SPAG16: variants seen among roughly 807,000 people sequenced by gnomAD.
SPAG16 encodes sperm-associated antigen 16 protein.
Under a neutral mutation model 80.4 loss-of-function variants are expected in SPAG16, and 86 were observed. The observed-to-expected ratio is 1.07, with a 90% confidence interval of 0.90 to 1.28. The LOEUF (loss-of-function observed/expected upper bound fraction) is 1.28. Ranked by LOEUF, SPAG16 falls within the 50% of genes most tolerant of loss-of-function variation. The probability of loss-of-function intolerance (pLI) is 0.00; values close to 1 mark genes in which losing one functional copy is unlikely to be tolerated. For synonymous variants in SPAG16, 294 were observed against 265.9 expected (o/e 1.11, Z -1.03); for missense variants, 870 against 765.3 (o/e 1.14, Z -1.61).
At chr2:213,686,239 C>T (rs890685930) in intron 10 of SPAG16, among the ~76,000 whole-genome samples, 1 of 152,208 alleles carries the variant, frequency 6.6e-6, no homozygotes, top group Admixed American at 6.5e-5. Context: ...CTGCCTCAGC[C>T]TCCTGAGCAG....
At chr2:213,932,191 TATA>T (rs2078789141) in intron 12 of SPAG16, among the ~76,000 whole-genome samples, 2 of 111,056 alleles carry the variant, frequency 1.8e-5, no homozygotes, top group African/African-American at 6.8e-5. Flanking sequence ...TATATATATA[TATA>T]TATATTTGTT....
At chr2:213,771,568 G>C (rs748325018) in intron 10 of SPAG16, among the ~76,000 whole-genome samples, 2 of 151,954 alleles carry the variant, frequency 1.3e-5, no homozygotes, top group Admixed American at 6.6e-5. Context: ...TTTTCTTCTA[G>C]GGTTTTTATA....
chr2:213,647,281 A>C (rs1162160222), intron 10 of SPAG16, among the ~76,000 whole-genome samples: 1 of 152,208 alleles, frequency 6.6e-6, no homozygotes, highest in Non-Finnish European at 1.5e-5. Context: ...AGTATCATGC[A>C]TATACGTACA....
chr2:214,289,801 A>G (rs1265454573), intron 15 of SPAG16, among the ~76,000 whole-genome samples: 2 of 152,156 alleles, frequency 1.3e-5, no homozygotes, highest in African/African-American at 4.8e-5. Flanking sequence ...CATAGGATCT[A>G]TAGATGCTTT....
At chr2:214,177,916 C>CATATATATATATATATATACATATATAT (rs10622953) in intron 15 of SPAG16, among the ~76,000 whole-genome samples, 7 of 92,204 alleles carry the variant, frequency 7.6e-5, no homozygotes, top group African/African-American at 2.8e-4. Flanking sequence ...TATATATATA[C>CATATATATATATATATATACATATATAT]ATATATATAT....
intron 14 of SPAG16, among the ~76,000 whole-genome samples, chr2:214,113,209 C>T (rs2053763770): frequency 6.6e-6 from 1 of 152,200 alleles, no homozygotes; most frequent in Non-Finnish European, 1.5e-5. Flanking sequence ...ATGGGCTTCC[C>T]TTTGTGGGTT....
At chr2:213,293,185 C>T (rs2062365165) in intron 1 of SPAG16, among the ~76,000 whole-genome samples, 1 of 152,148 alleles carries the variant, frequency 6.6e-6, no homozygotes. Flanking sequence ...TTTCATGGTG[C>T]CCTGTGAAGA....
At chr2:213,804,286 T>C (rs1478751374) in intron 10 of SPAG16, among the ~76,000 whole-genome samples, 2 of 152,084 alleles carry the variant, frequency 1.3e-5, no homozygotes, top group Admixed American at 6.5e-5. Context: ...CCTTAGGTGA[T>C]TTTAACTTGG....
intron 3 of SPAG16, among the ~76,000 whole-genome samples, chr2:213,301,064 G>C (rs2062722146): frequency 6.6e-6 from 1 of 151,934 alleles, no homozygotes; most frequent in South Asian, 2.1e-4. Context: ...TACTTTTAAC[G>C]GAAAAAAACG....
chr2:214,097,413 C>A (rs2052664005), intron 13 of SPAG16, among the ~76,000 whole-genome samples: 1 of 151,968 alleles, frequency 6.6e-6, no homozygotes, highest in South Asian at 2.1e-4. Context: ...GGCAGGTGCA[C>A]TTGAAGTGGC....
At position 213,383,010 on chromosome 2, in the gene SPAG16, T is replaced by C. The variant is rs180769625; in HGVS notation, c.942+7891T>C. Among the ~76,000 whole-genome samples, 178 of 152,248 alleles carry C rather than the reference T, an allele frequency of 1.2e-3. 3 individuals are homozygous for C. Among genetic ancestry groups the C allele is most frequent in the Non-Finnish European group, 3.4e-4 (23 of 67,992 alleles). ...TAACAAGTAGTAGAGGGTATTTTTATCTGCTTCAGTAAAGATAACACATAT... is the reference window on the plus strand; with the variant it reads ...TAACAAGTAGTAGAGGGTATTTTTACCTGCTTCAGTAAAGATAACACATAT... On this transcript the variant is annotated intron_variant, in intron 9 of 15. Transcript: ENST00000331683.
chr2:213,564,233 T>A (rs1467721276), intron 10 of SPAG16, among the ~76,000 whole-genome samples: 2 of 151,614 alleles, frequency 1.3e-5, no homozygotes, highest in Admixed American at 6.6e-5. Context: ...ACTAGTAATT[T>A]AAAAAAAACG....
intron 8 of SPAG16, among the ~76,000 whole-genome samples, chr2:213,371,033 C>A (rs1438736045): frequency 6.6e-6 from 1 of 152,178 alleles, no homozygotes; most frequent in Non-Finnish European, 1.5e-5. Flanking sequence ...CCCTAAGCTT[C>A]TGATCTCAGC....
chr2:214,175,119 A>G (rs2057024610), intron 15 of SPAG16, among the ~76,000 whole-genome samples: 1 of 151,086 alleles, frequency 6.6e-6, no homozygotes, highest in Non-Finnish European at 1.5e-5. Flanking sequence ...CTCTCCTAAG[A>G]AAGAAATAGA....
intron 11 of SPAG16, among the ~76,000 whole-genome samples, chr2:213,899,352 ACATAT>A (rs1228832057): frequency 6.6e-6 from 1 of 152,138 alleles, no homozygotes. Context: ...TAGAAGAAAA[ACATAT>A]CAATAAAAGG....
chr2:214,179,646 A>G (rs1231542451), intron 15 of SPAG16, among the ~76,000 whole-genome samples: 2 of 151,488 alleles, frequency 1.3e-5, no homozygotes, highest in African/African-American at 4.8e-5. Context: ...TGAATCCGAT[A>G]GACAGTGCTC....
chr2:213,600,898 T>C (rs2061038052), intron 10 of SPAG16, among the ~76,000 whole-genome samples: 1 of 152,180 alleles, frequency 6.6e-6, no homozygotes, highest in Non-Finnish European at 1.5e-5. Context: ...CAAATTAGTA[T>C]GAGAAATGAC....
intron 10 of SPAG16, among the ~76,000 whole-genome samples, chr2:213,574,718 A>G (rs1400390972): frequency 6.7e-6 from 1 of 148,928 alleles, no homozygotes; most frequent in South Asian, 2.1e-4. Context: ...TGATATATAT[A>G]TATATGAGCT....
At chr2:214,311,108 T>C (rs1304759998) in intron 15 of SPAG16, among the ~76,000 whole-genome samples, 1 of 151,056 alleles carries the variant, frequency 6.6e-6, no homozygotes, top group East Asian at 2.0e-4. Context: ...ACCTATCCAC[T>C]AGGGCAGAAC....
Sources: gnomAD v4.1 joint callset for allele counts (sites outside exome capture counted in the v4.1 genomes callset) on GRCh38, gnomAD v4.1.1 for gene constraint, MANE v1.5 for transcripts, NCBI Gene and HGNC (gene_info 2026-07-23, HGNC 2026-07-21) for gene names.